TMEM181: variants seen among roughly 807,000 people sequenced by gnomAD.
The protein encoded by TMEM181 is G protein-coupled receptor 178.
In TMEM181, 39 loss-of-function variants were observed where a neutral mutation model predicts 71.9. The observed-to-expected ratio is 0.54, with a 90% CI of 0.42 to 0.71. The LOEUF is 0.71. Ranked by LOEUF, TMEM181 falls within the 30% of genes least tolerant of loss-of-function variation. The pLI is 0.00. For synonymous variants in TMEM181, 245 were observed against 228.8 expected (o/e 1.07, Z -0.64); for missense variants, 595 against 583.0 (o/e 1.02, Z -0.21).
rs769837300 is a variant in TMEM181 at position 158,567,705 on chromosome 6, C to T, written c.9-5715C>T. ...AGAATTGAAGCTCTGGAGTTGGATGCGCGGGTTTCAGTGTTGCACTTAGCA... is the reference window on the plus strand; with the variant it reads ...AGAATTGAAGCTCTGGAGTTGGATGTGCGGGTTTCAGTGTTGCACTTAGCA... On this transcript the variant is annotated intron_variant, in intron 1 of 16. Transcript: ENST00000684151. Among the ~76,000 whole-genome samples the T allele has an allele frequency of 5.9e-5, 9 of 152,278 alleles. No homozygotes were observed. The Middle Eastern group carries it at 0.01, about 173-fold the overall frequency.
At position 158,608,383 on chromosome 6, in the gene TMEM181, C is replaced by T. The variant is rs1427486231; in HGVS notation, c.724C>T (p.Leu242=). The T allele has an allele frequency of 3.7e-6, 6 of 1,614,124 alleles. No homozygotes were observed. The African/African-American group carries it at 5.3e-5, about 14-fold the overall frequency. ...FLVNSWLPGM[L]DDLFQSMFLC... is the part of the protein sequence containing the mutation. Reference sequence around the variant, plus strand: ...GGTCAACAGCTGGCTCCCAGGGATGCTGGATGACCTCTTTCAGTCCATGTT... The same window carrying T: ...GGTCAACAGCTGGCTCCCAGGGATGTTGGATGACCTCTTTCAGTCCATGTT... The change falls in exon 9 of 17, where the codon CTG becomes TTG. Residue 242 remains leucine, a synonymous_variant. Coordinates refer to ENST00000684151, the MANE Select transcript of TMEM181 (RefSeq NM_001376852.1).
intron 1 of TMEM181, among the ~76,000 whole-genome samples, chr6:158,537,079 G>T (rs1307085787): frequency 6.6e-6 from 1 of 151,980 alleles, no homozygotes; most frequent in African/African-American, 2.4e-5. Context: ...CGGCGGGCAG[G>T]TTCCTGGATT....
rs950282963 is a variant in TMEM181 at position 158,589,682 on chromosome 6, A to G, written c.392A>G (p.Glu131Gly). Residue 131 changes from glutamate to glycine, a missense_variant, in exon 6 of 17, where the codon GAG (glutamate) becomes GGG (glycine). Physicochemically the swap from Glu to Gly is moderately conservative, Grantham distance 98 (BLOSUM62 -2). Coordinates refer to ENST00000684151, the MANE Select transcript of TMEM181 (RefSeq NM_001376852.1). ...RTLTCAGKCAEIIVAHLGYLN... is the reference protein window; with the variant it reads ...RTLTCAGKCAGIIVAHLGYLN... ...TCTGTGTATTTGCAGAAATGTGCGG[A>G]GATTATTGTGGCTCACCTTGGCTAC... 1 of 1,613,920 alleles carries G rather than the reference A, an allele frequency of 6.2e-7. No homozygotes were observed. The highest frequency in any genetic ancestry group is 8.5e-7 in the Non-Finnish European group (1 of 1,179,874).
chr6:158,608,425 C>A lies in TMEM181; in HGVS notation c.766C>A (p.Leu256Ile). Residue 256 changes from leucine to isoleucine, a missense_variant, in exon 9 of 17, where the codon CTC becomes ATC. Coordinates refer to ENST00000684151, the MANE Select transcript of TMEM181 (RefSeq NM_001376852.1). The stretch of plus-strand genomic sequence containing the variant: ...GTCCATGTTCCTGTGCGCCCTGCTG[C>A]TCTTCTGGCTGTGCGTGTACCACGG... ...FQSMFLCALL[L>I]FWLCVYHGIR... The A allele has an allele frequency of 6.2e-7, 1 of 1,614,252 alleles. No homozygotes were observed. Among genetic ancestry groups the A allele is most frequent in the Non-Finnish European group, 8.5e-7 (1 of 1,180,044 alleles).
At chr6:158,619,720 T>C (rs1430847398) in intron 10 of TMEM181, among the ~76,000 whole-genome samples, 2 of 151,920 alleles carry the variant, frequency 1.3e-5, no homozygotes, top group East Asian at 1.9e-4. Context: ...ATACAAAAAA[T>C]TAGCCAGGCG....
intron 6 of TMEM181, among the ~76,000 whole-genome samples, chr6:158,601,145 A>G (rs1401875883): frequency 6.6e-6 from 1 of 152,240 alleles, no homozygotes; most frequent in African/African-American, 2.4e-5. Flanking sequence ...TGTAGCAATA[A>G]TCATAATAGT....
intron 6 of TMEM181, among the ~76,000 whole-genome samples, chr6:158,591,849 A>G (rs961630599): frequency 6.6e-6 from 1 of 151,904 alleles, no homozygotes; most frequent in African/African-American, 2.4e-5. Flanking sequence ...TTGTCCTTCC[A>G]TCTTTTGTAT....
In TMEM181 at chr6:158,586,469, A is replaced by G. The variant is rs919833237; in HGVS notation, c.381+1044A>G. On this transcript the variant is annotated intron_variant, in intron 5 of 16. Coordinates refer to ENST00000684151, the MANE Select transcript of TMEM181 (RefSeq NM_001376852.1). ...GAAGTAGAAACTACTGTTAGAGCCT[A>G]TTTTGTAGAAGAAGAAACTGAGGCT... Among the ~76,000 whole-genome samples, 4 of 152,192 alleles carry G rather than the reference A, an allele frequency of 2.6e-5. No individual in the cohort carries two copies. The South Asian group carries it at 8.3e-4, about 31-fold the overall frequency.
Position 158,620,719 on chromosome 6 carries a change from G to T in TMEM181, c.897-2831G>T, listed in dbSNP as rs1047387136. 7.2e-5 allele frequency among the ~76,000 whole-genome samples: 11 copies of T among 152,196 alleles called. No individual in the cohort carries two copies. The highest frequency in any genetic ancestry group is 3.9e-4 in the Admixed American group (6 of 15,288). The stretch of plus-strand genomic sequence containing the variant: ...AGAGAAAAGATGGGGTGCATGGCCA[G>T]AGACTCTCAGGATCCAGGAGTTAAC... On this transcript the variant is annotated intron_variant, in intron 10 of 16. Transcript: ENST00000684151. This position sits in a 1 kb window ranked among gnomAD's most constrained non-coding sequence, Gnocchi z 4.5.
chr6:158,573,331 G>A (rs984094257), intron 1 of TMEM181, 89 bp from the exon 2 acceptor site: 9 of 900,492 alleles, frequency 1.0e-5, no homozygotes, highest in African/African-American at 3.3e-5. Flanking sequence ...GGGCAGTGTC[G>A]TGTGGGGAGG....
chr6:158,558,957 TTTCCC>T, upstream of TMEM181, among the ~76,000 whole-genome samples: 1 of 152,198 alleles, frequency 6.6e-6, no homozygotes, highest in Non-Finnish European at 1.5e-5. Context: ...TGAAGAACCC[TTTCCC>T]TCTGCTTATG....
intron 1 of TMEM181, among the ~76,000 whole-genome samples, chr6:158,540,680 C>T (rs998543881): frequency 6.6e-6 from 1 of 152,002 alleles, no homozygotes; most frequent in Non-Finnish European, 1.5e-5. Context: ...ACTTCGGAGG[C>T]TGAGGCATGA....
At chr6:158,587,121 A>G (rs1239336105) in intron 5 of TMEM181, among the ~76,000 whole-genome samples, 1 of 152,212 alleles carries the variant, frequency 6.6e-6, no homozygotes, top group Non-Finnish European at 1.5e-5. Flanking sequence ...GTTGAGACCC[A>G]TCGTCCTGGT....
chr6:158,578,072 A>G (rs1463815730), intron 2 of TMEM181, among the ~76,000 whole-genome samples: 1 of 152,070 alleles, frequency 6.6e-6, no homozygotes, highest in African/African-American at 2.4e-5. Flanking sequence ...CCTGGGCAAC[A>G]AGAGCGAAAC....
At chr6:158,621,004 T>C (rs148571296) in intron 10 of TMEM181, among the ~76,000 whole-genome samples, 16 of 152,318 alleles carry the variant, frequency 1.1e-4, no homozygotes, top group African/African-American at 3.1e-4. Context: ...GCTCGAAATG[T>C]TTCTGTGTGT....
chr6:158,570,512 A>T (rs1025152874), intron 1 of TMEM181, among the ~76,000 whole-genome samples: 1 of 151,668 alleles, frequency 6.6e-6, no homozygotes, highest in Non-Finnish European at 1.5e-5. Flanking sequence ...AAGTGCTGGG[A>T]TTACAGGCAT....
chr6:158,545,046 C>G (rs1296396095), intron 1 of TMEM181, among the ~76,000 whole-genome samples: 2 of 152,334 alleles, frequency 1.3e-5, no homozygotes, highest in African/African-American at 4.8e-5. Flanking sequence ...TAGAGCCGCA[C>G]AGGGAGAGGA....
rs370374691 is a variant in TMEM181, at chr6:158,584,019, T to C, written c.234T>C (p.Cys78=). ...STYNQQLWLT[C]VVELDQSKET... ...ACAATCAGCAACTATGGCTGACATG[T>C]GTTGTTGAGTTGGATCAATCAAAAG... is the stretch of plus-strand genomic sequence containing the variant. The change falls in exon 4 of 17, where the codon TGT becomes TGC. Residue 78 remains cysteine, a synonymous_variant. Coordinates refer to ENST00000684151, the MANE Select transcript of TMEM181 (RefSeq NM_001376852.1). The C allele has an allele frequency of 6.2e-7, 1 of 1,612,086 alleles. No individual in the cohort carries two copies. The highest frequency in any genetic ancestry group is 1.3e-5 in the African/African-American group (1 of 74,896).
chr6:158,631,200 T>C, intron 15 of TMEM181, 123 bp from the exon 16 acceptor site: 1 of 961,160 alleles, frequency 1.0e-6, no homozygotes, highest in Non-Finnish European at 1.7e-6. Context: ...TATACAGACA[T>C]GGCAGCTCTG....
Sources: allele counts gnomAD v4.1 joint callset (sites outside exome capture counted in the v4.1 genomes callset), GRCh38; gene constraint gnomAD v4.1.1; non-coding constraint Gnocchi (gnomAD v3.1); transcripts MANE v1.5; gene names NCBI Gene and HGNC (gene_info 2026-07-23, HGNC 2026-07-21).